SHANK2: variants seen among roughly 807,000 people sequenced by gnomAD.
The protein encoded by SHANK2 is SH3 and multiple ankyrin repeat domains protein 2.
In SHANK2, 43 loss-of-function variants were observed where a neutral mutation model predicts 133.7. The ratio of observed to expected loss-of-function variants is 0.32; its 90% CI spans 0.25 to 0.41. The LOEUF (loss-of-function observed/expected upper bound fraction) is 0.41. Ranked by LOEUF, SHANK2 falls within the 10% of genes least tolerant of loss-of-function variation. SHANK2 has a pLI of 1.00. For missense variants in SHANK2, 1,994 were observed against 2,235.8 expected, an observed-to-expected ratio of 0.89 and a Z score of 2.18; for synonymous variants, 1,017 against 952.8, an observed-to-expected ratio of 1.07 and a Z score of -1.24.
chr11:70,587,188 C>T (rs997581456), intron 17 of SHANK2, among the ~76,000 whole-genome samples: 4 of 152,268 alleles, frequency 2.6e-5, no homozygotes, highest in African/African-American at 7.2e-5. Flanking sequence ...CGAGCTGGGC[C>T]GGGCTTTATG....
At chr11:70,661,234 T>C (rs2061483237) in intron 16 of SHANK2, among the ~76,000 whole-genome samples, 1 of 152,086 alleles carries the variant, frequency 6.6e-6, no homozygotes, top group Non-Finnish European at 1.5e-5. Context: ...GCTCTGAGGG[T>C]AGCCACAGTC....
intron 17 of SHANK2, among the ~76,000 whole-genome samples, chr11:70,621,074 G>C (rs1252678489): frequency 6.6e-6 from 1 of 152,198 alleles, no homozygotes; most frequent in East Asian, 1.9e-4. Context: ...CAAAGGCTGT[G>C]GGGGCTGAAA....
intron 10 of SHANK2, among the ~76,000 whole-genome samples, chr11:70,905,308 C>T (rs1481885141): frequency 2.0e-5 from 3 of 152,174 alleles, no homozygotes; most frequent in African/African-American, 4.8e-5. Flanking sequence ...AAAATACCTC[C>T]CTGGGCTCAA....
chr11:71,146,705 G>A (rs1355444549), intron 3 of SHANK2, among the ~76,000 whole-genome samples: 5 of 152,162 alleles, frequency 3.3e-5, no homozygotes, highest in Admixed American at 2.0e-4. Flanking sequence ...AGCAGAGTCC[G>A]GCACCAGGAA....
At chr11:70,660,274 C>T (rs1029840262) in intron 16 of SHANK2, among the ~76,000 whole-genome samples, 2 of 152,144 alleles carry the variant, frequency 1.3e-5, no homozygotes, top group Non-Finnish European at 2.9e-5. Context: ...TAAACATTTT[C>T]GGTTCTAAAA....
chr11:70,667,066 T>C (rs552883207), intron 15 of SHANK2, among the ~76,000 whole-genome samples: 3 of 152,108 alleles, frequency 2.0e-5, no homozygotes, highest in East Asian at 2.0e-4. Context: ...GAGGAAACCA[T>C]TGCCATCATG....
chr11:70,582,304 T>C (rs937831198), intron 17 of SHANK2, among the ~76,000 whole-genome samples: 16 of 152,212 alleles, frequency 1.1e-4, no homozygotes, highest in African/African-American at 3.6e-4. Flanking sequence ...AGCCGCTAAC[T>C]CTACTACTGC....
chr11:70,595,586 G>A (rs1192626970), intron 17 of SHANK2, among the ~76,000 whole-genome samples: 1 of 152,180 alleles, frequency 6.6e-6, no homozygotes, highest in Non-Finnish European at 1.5e-5. Flanking sequence ...GAGAGGTGAG[G>A]GAAAGTTGAG....
rs1555118691 is a variant in SHANK2, at chr11:71,210,225, TA to T, written c.-13+14471del. On this transcript the variant is annotated intron_variant, in intron 2 of 25. Coordinates refer to ENST00000601538, the MANE Select transcript of SHANK2 (RefSeq NM_012309.5). ...AAATCCACAGGTATATATATATATA[TA>T]TATATATATATATATATATATATAT... Among the ~76,000 whole-genome samples the T allele has an allele frequency of 2.0e-4, 13 of 66,406 alleles. 1 individual carries two copies. The highest frequency in any genetic ancestry group is 6.9e-3 in the Middle Eastern group (1 of 144). 43.6% of individuals were successfully genotyped at this position (66,406 alleles called of 152,430 possible). A position where few individuals can be genotyped will look rare whatever the true frequency, so the allele number is the denominator to read the frequency against.
At chr11:70,550,617 G>A (rs1591568275) in intron 17 of SHANK2, among the ~76,000 whole-genome samples, 1 of 152,176 alleles carries the variant, frequency 6.6e-6, no homozygotes, top group Non-Finnish European at 1.5e-5. Context: ...ATTTGGTCCC[G>A]GATTCGCGTG....
chr11:70,760,095 T>G (rs1223746347), intron 14 of SHANK2, among the ~76,000 whole-genome samples: 1 of 152,236 alleles, frequency 6.6e-6, no homozygotes, highest in Non-Finnish European at 1.5e-5. Context: ...AGAGCCTGAC[T>G]GTAATGCCTT....
intron 17 of SHANK2, among the ~76,000 whole-genome samples, chr11:70,504,271 T>C (rs915553734): frequency 1.0e-4 from 13 of 130,074 alleles, no homozygotes; most frequent in Admixed American, 3.3e-4. Context: ...CTTGGTGGAT[T>C]TTCACAAATC....
intron 4 of SHANK2, among the ~76,000 whole-genome samples, chr11:71,114,149 G>A (rs955556642): frequency 9.2e-5 from 14 of 152,128 alleles, no homozygotes; most frequent in African/African-American, 3.4e-4. Flanking sequence ...TTAACTCAGG[G>A]CTGGGCACTT....
At chr11:70,855,575 G>C (rs1413225018) in intron 11 of SHANK2, among the ~76,000 whole-genome samples, 6 of 152,240 alleles carry the variant, frequency 3.9e-5, no homozygotes, top group Non-Finnish European at 8.8e-5. Context: ...TAGAACAAAA[G>C]TGAAGGAATA....
chr11:70,872,233 T>A lies in SHANK2; in HGVS notation c.1174+24268A>T, dbSNP rs566534453. On this transcript the variant is annotated intron_variant, in intron 11 of 25. Coordinates refer to ENST00000601538, the MANE Select transcript of SHANK2 (RefSeq NM_012309.5). ...AGGTCAAGTACTACTGCCAACGAGC[T>A]ACGGAGAAGGCATTCGCTTTTCAGA... 3 of 154,864 alleles carry A rather than the reference T, an allele frequency of 1.9e-5. No homozygotes were observed. The South Asian group carries it at 6.1e-4, about 32-fold the overall frequency. The allele number at this position is 154,864 out of a possible 1,614,324, so 9.6% of individuals were successfully genotyped here. A position where few individuals can be genotyped will look rare whatever the true frequency, so the allele number is the denominator to read the frequency against.
intron 2 of SHANK2, among the ~76,000 whole-genome samples, chr11:71,199,889 C>T (rs1046586622): frequency 3.3e-5 from 5 of 152,190 alleles, no homozygotes; most frequent in Non-Finnish European, 7.3e-5. Context: ...GGAATCCCCT[C>T]TGGCAAAGAG....
chr11:70,862,329 G>A (rs1318553938), intron 11 of SHANK2, among the ~76,000 whole-genome samples: 1 of 152,214 alleles, frequency 6.6e-6, no homozygotes, highest in African/African-American at 2.4e-5. Flanking sequence ...AGCTCCTGGG[G>A]TGGAGACTGG....
intron 17 of SHANK2, among the ~76,000 whole-genome samples, chr11:70,608,435 G>T (rs1401078539): frequency 6.6e-6 from 1 of 152,172 alleles, no homozygotes; most frequent in East Asian, 1.9e-4. Flanking sequence ...TCCTGATGGG[G>T]GATCATGGGG....
At chr11:70,844,225 T>G (rs1432930407) in intron 11 of SHANK2, among the ~76,000 whole-genome samples, 1 of 152,210 alleles carries the variant, frequency 6.6e-6, no homozygotes, top group Non-Finnish European at 1.5e-5. Flanking sequence ...ATTAATACTC[T>G]GCTTAAAAAG....
Sources: gnomAD v4.1 joint callset for allele counts (sites outside exome capture counted in the v4.1 genomes callset) on GRCh38, gnomAD v4.1.1 for gene constraint, MANE v1.5 for transcripts, NCBI Gene and HGNC (gene_info 2026-07-23, HGNC 2026-07-21) for gene names.